CPSF6: variants seen among roughly 807,000 people sequenced by gnomAD.
The protein encoded by CPSF6 is cleavage and polyadenylation specific factor 6.
In CPSF6, 10 loss-of-function variants were observed where a neutral mutation model predicts 56.7. The observed-to-expected ratio is 0.18, with a 90% CI of 0.11 to 0.30. CPSF6 has a LOEUF of 0.30. CPSF6 is among the 10% of genes least tolerant of loss of function. The pLI is 1.00. For synonymous variants in CPSF6, 248 were observed against 244.8 expected (o/e 1.01, Z -0.12); for missense variants, 419 against 722.9 (o/e 0.58, Z 4.82).
At position 69,260,038 on chromosome 12, in the gene CPSF6, T is replaced by G; in HGVS notation, c.1316-6T>G. 6.2e-7 allele frequency: 1 copy of G among 1,611,356 alleles called. No homozygotes were observed. Among genetic ancestry groups the G allele is most frequent in the Non-Finnish European group, 8.5e-7 (1 of 1,179,310 alleles). Reference sequence around the variant, plus strand: ...TTGACTTCAAACCCTTTCCTTTCCCTCACAGGTGATTATGGGAGTGCTATT... The same window carrying G: ...TTGACTTCAAACCCTTTCCTTTCCCGCACAGGTGATTATGGGAGTGCTATT... On this transcript the variant is annotated splice_polypyrimidine_tract_variant and splice_region_variant and intron_variant, in intron 7 of 9. Transcript: ENST00000435070.
At position 69,259,094 on chromosome 12, in the gene CPSF6, G is replaced by A. The variant is rs747411404; in HGVS notation, c.1199G>A (p.Arg400Lys). 7 of 1,597,718 alleles carry A rather than the reference G, an allele frequency of 4.4e-6. No individual in the cohort carries two copies. Among genetic ancestry groups the A allele is most frequent in the Non-Finnish European group, 5.9e-6 (7 of 1,177,934 alleles). The stretch of plus-strand genomic sequence containing the variant: ...AGGGGTGACTATGGCCCCCCTGGAA[G>A]GTAAGTTAGTGTGTATCTGTGAAAG... Reference protein sequence around the residue: ...YDRGDYGPPGREMDTARTPLS... With the variant: ...YDRGDYGPPGKEMDTARTPLS... The change falls in exon 6 of 10, where the codon AGG becomes AAG. Residue 400 changes from arginine to lysine, a missense_variant and splice_region_variant. Transcript: ENST00000435070.
In CPSF6 at chr12:69,271,445, G is replaced by T. The variant is rs1873236974; in HGVS notation, c.*1937G>T. The T allele has an allele frequency of 6.6e-6, 1 of 151,738 alleles. No homozygotes were observed. The highest frequency in any genetic ancestry group is 2.4e-5 in the African/African-American group (1 of 41,398). The allele number at this position is 151,738 out of a possible 1,614,324, so 9.4% of individuals were successfully genotyped here. A position where few individuals can be genotyped will look rare whatever the true frequency, so the allele number is the denominator to read the frequency against. On this transcript the variant is annotated 3_prime_UTR_variant, in exon 10 of 10. Transcript: ENST00000435070. Reference sequence around the variant, plus strand: ...ATGAAAATAAAATTTTCTTTGAACAGTTTAAAAATGGAATCACAAAAATCT... The same window carrying T: ...ATGAAAATAAAATTTTCTTTGAACATTTTAAAAATGGAATCACAAAAATCT...
chr12:69,262,664 C>T, intron 9 of CPSF6, 102 bp downstream of exon 9: 1 of 1,234,966 alleles, frequency 8.1e-7, no homozygotes, highest in Non-Finnish European at 1.1e-6. Context: ...TTTAAATGGT[C>T]CAACTACTTG....
At chr12:69,255,516 A>G (rs766529848) in intron 3 of CPSF6, among the ~76,000 whole-genome samples, 6 of 152,194 alleles carry the variant, frequency 3.9e-5, no homozygotes, top group Middle Eastern at 3.2e-3. Flanking sequence ...GCAATGTGCA[A>G]TGGTTCCAGT....
intron 7 of CPSF6, among the ~76,000 whole-genome samples, 198 bp from the exon 8 acceptor site, chr12:69,259,846 G>A (rs988324962): frequency 2.0e-5 from 3 of 152,198 alleles, no homozygotes; most frequent in Non-Finnish European, 2.9e-5. Context: ...CTTCACACAC[G>A]TATAATAAGT....
At chr12:69,250,590 C>CAAAAA (rs61337613) in intron 1 of CPSF6, among the ~76,000 whole-genome samples, 1 of 48,580 alleles carries the variant, frequency 2.1e-5, no homozygotes, top group African/African-American at 5.3e-5. Context: ...CTGGTCTCTA[C>CAAAAA]AAAAAAAAAA....
chr12:69,254,537 TTTG>T (rs1333873768), intron 3 of CPSF6, among the ~76,000 whole-genome samples: 31 of 152,332 alleles, frequency 2.0e-4, no homozygotes, highest in Non-Finnish European at 2.5e-4. Context: ...ATTTTACTCG[TTTG>T]TTGTCTCCTC....
At chr12:69,261,058 C>T (rs1160066847) in intron 8 of CPSF6, among the ~76,000 whole-genome samples, 1 of 151,866 alleles carries the variant, frequency 6.6e-6, no homozygotes, top group Non-Finnish European at 1.5e-5. Flanking sequence ...AGCATTGCTG[C>T]TAACTTTGAA....
Position 69,258,462 on chromosome 12 carries a change from C to T in CPSF6, c.695-128C>T, listed in dbSNP as rs894903353. On this transcript the variant is annotated intron_variant, in intron 5 of 9. Coordinates refer to ENST00000435070, the MANE Select transcript of CPSF6 (RefSeq NM_007007.3). This position sits in a 1 kb window ranked among gnomAD's most constrained non-coding sequence, Gnocchi z 4.2. Reference sequence around the variant, plus strand: ...AGTTGGTAGTGTAACATTTACCATACGGGTTTAATTTAAAGACAAAGACTT... The same window carrying T: ...AGTTGGTAGTGTAACATTTACCATATGGGTTTAATTTAAAGACAAAGACTT... The T allele has an allele frequency of 3.1e-5, 29 of 932,150 alleles. No individual in the cohort carries two copies. The highest frequency in any genetic ancestry group is 3.7e-5 in the South Asian group (2 of 53,946). 57.7% of individuals were successfully genotyped at this position (932,150 alleles called of 1,614,324 possible).
In CPSF6 at chr12:69,258,001, T is replaced by G. The variant is rs1339485188; in HGVS notation, c.694+96T>G. The G allele has an allele frequency of 6.5e-7, 1 of 1,536,660 alleles. No homozygotes were observed. ...TCAAGTAATGCATTATTAATGTGACTTACTCTCCTTGTTATGCTATTTTTG... is the reference window on the plus strand; with the variant it reads ...TCAAGTAATGCATTATTAATGTGACGTACTCTCCTTGTTATGCTATTTTTG... On this transcript the variant is annotated intron_variant, in intron 5 of 9. Coordinates refer to ENST00000435070, the MANE Select transcript of CPSF6 (RefSeq NM_007007.3). The surrounding 1 kb of genome is among the most constrained non-coding windows in gnomAD (Gnocchi z 4.2).
In CPSF6 at chr12:69,239,663, A is replaced by G; in HGVS notation, c.17A>G (p.Asp6Gly). Reference protein sequence around the residue: MADGVDHIDIYADVGE... With the variant: MADGVGHIDIYADVGE... The stretch of plus-strand genomic sequence containing the variant: ...TGAAGGAAGATGGCGGACGGCGTGG[A>G]CCACATAGACATTTACGCGGATGTC... Residue 6 changes from aspartate to glycine, a missense_variant, in exon 1 of 10, where the codon GAC becomes GGC. Asp to Gly is a moderately conservative substitution (Grantham distance 94). Transcript: ENST00000435070. 1 of 1,585,904 alleles carries G rather than the reference A, an allele frequency of 6.3e-7. No homozygotes were observed. Among genetic ancestry groups the G allele is most frequent in the East Asian group, 2.4e-5 (1 of 41,564 alleles).
chr12:69,241,932 A>T (rs1871643328), intron 1 of CPSF6, among the ~76,000 whole-genome samples: 1 of 152,160 alleles, frequency 6.6e-6, no homozygotes, highest in Admixed American at 6.5e-5. Flanking sequence ...TACCAAAAAA[A>T]AAAAAAAGGT....
At chr12:69,244,226 ACTT>A (rs1374348891) in intron 1 of CPSF6, among the ~76,000 whole-genome samples, 2 of 152,010 alleles carry the variant, frequency 1.3e-5, no homozygotes, top group Non-Finnish European at 2.9e-5. Context: ...CTGTAAACTT[ACTT>A]CTTTTTTTTG....
In CPSF6 at chr12:69,270,852, A is replaced by G. The variant is rs1021482467; in HGVS notation, c.*1344A>G. The G allele has an allele frequency of 6.6e-6, 1 of 151,758 alleles. No individual in the cohort carries two copies. The highest frequency in any genetic ancestry group is 1.5e-5 in the Non-Finnish European group (1 of 67,680). The allele number at this position is 151,758 out of a possible 1,614,324, so 9.4% of individuals were successfully genotyped here. A position where few individuals can be genotyped will look rare whatever the true frequency, so the allele number is the denominator to read the frequency against. On this transcript the variant is annotated 3_prime_UTR_variant, in exon 10 of 10. Transcript: ENST00000435070. ...TATGGGAATGTAATTTGAAATCACTACTTCAGAAATTTGACTTAAAATTCT... is the reference window on the plus strand; with the variant it reads ...TATGGGAATGTAATTTGAAATCACTGCTTCAGAAATTTGACTTAAAATTCT...
At chr12:69,269,350 A>G (rs1229910757) in intron 9 of CPSF6, among the ~76,000 whole-genome samples, 162 bp from the exon 10 acceptor site, 1 of 152,034 alleles carries the variant, frequency 6.6e-6, no homozygotes, top group East Asian at 1.9e-4. Context: ...GGAACATTTC[A>G]CCACCACAAA....
chr12:69,256,572 G>A, intron 3 of CPSF6, 125 bp from the exon 4 acceptor site: 1 of 917,130 alleles, frequency 1.1e-6, no homozygotes, highest in Non-Finnish European at 1.6e-6. Flanking sequence ...GGGATTACAG[G>A]CATGAGCCAC....
intron 3 of CPSF6, 138 bp from the exon 4 acceptor site, chr12:69,256,559 G>T (rs1053846411): frequency 5.8e-5 from 46 of 793,104 alleles, no homozygotes; most frequent in Non-Finnish European, 8.1e-5. Context: ...CTTCTAAGCA[G>T]CTGGGATTAC....
chr12:69,268,085 T>C (rs1359958443), intron 9 of CPSF6, among the ~76,000 whole-genome samples: 2 of 151,832 alleles, frequency 1.3e-5, no homozygotes, highest in Admixed American at 6.6e-5. Flanking sequence ...TCCCAGTAAT[T>C]ATTATTTCAG....
intron 3 of CPSF6, among the ~76,000 whole-genome samples, chr12:69,253,795 G>T (rs937298110): frequency 6.6e-6 from 1 of 151,986 alleles, no homozygotes; most frequent in African/African-American, 2.4e-5. Context: ...ATCATACCTG[G>T]TATGCTACTG....
Sources: gnomAD v4.1 joint callset for allele counts (sites outside exome capture counted in the v4.1 genomes callset) on GRCh38, gnomAD v4.1.1 for gene constraint, Gnocchi (gnomAD v3.1) non-coding constraint, MANE v1.5 for transcripts, NCBI Gene and HGNC (gene_info 2026-07-23, HGNC 2026-07-21) for gene names.